Variants in CORIN observed in about 807,000 individuals in gnomAD.
CORIN encodes the protein atrial natriuretic peptide-converting enzyme.
Under a neutral mutation model 125.3 loss-of-function variants are expected in CORIN, and 117 were observed. That is an observed-to-expected ratio of 0.93 (90% CI 0.80 to 1.09). The LOEUF (loss-of-function observed/expected upper bound fraction) is 1.09, where lower values mean the gene tolerates loss of function less well. Among genes scored for constraint, CORIN ranks in the 50% least tolerant of loss-of-function variants. The pLI, the probability that CORIN is intolerant of heterozygous loss-of-function variation, is 0.00. For synonymous variants in CORIN, 450 were observed against 466.4 expected, an observed-to-expected ratio of 0.96 and a Z score of 0.45; for missense variants, 1,253 against 1,306.7, an observed-to-expected ratio of 0.96 and a Z score of 0.63.
chr4:47,751,415 TG>T (rs1728893942), intron 4 of CORIN, among the ~76,000 whole-genome samples: 1 of 152,202 alleles, frequency 6.6e-6, no homozygotes, highest in South Asian at 2.1e-4. Context: ...CACTAAATAC[TG>T]CCAATATTAC....
In CORIN at chr4:47,642,007, A is replaced by G. The variant is rs1723251909; in HGVS notation, c.2111T>C (p.Val704Ala). ...INVNSSSFLM[V>A]HRAATEHHVC... ...ATGGTGTTCTGTGGCAGCTCTGTGA[A>G]CCATCAGAAAGGAAGAGGAGTTCAC... The change falls in exon 16 of 22, where the codon GTT (valine) becomes GCT (alanine). Residue 704 changes from valine (V) to alanine (A), a missense_variant. Physicochemically the swap from Val to Ala is moderately conservative, Grantham distance 64. Transcript: ENST00000273857. The G allele has an allele frequency of 1.2e-6, 2 of 1,613,598 alleles. No individual in the cohort carries two copies. The highest frequency in any genetic ancestry group is 1.7e-6 in the Non-Finnish European group (2 of 1,179,626).
intron 12 of CORIN, among the ~76,000 whole-genome samples, chr4:47,658,066 A>G (rs1369550037): frequency 6.6e-6 from 1 of 152,152 alleles, no homozygotes; most frequent in Non-Finnish European, 1.5e-5. Context: ...CCAAATCCAA[A>G]TAAGTTCCTT....
At position 47,665,246 on chromosome 4, in the gene CORIN, T is replaced by TTCC. The variant is rs777696534; in HGVS notation, c.1374_1375insGGA (p.Ile458_Thr459insGly). ...GGCAAATTCATGCAGAGTTCCAATG[T>TTCC]AATTGGTTCACATTGACCTAACAAA... On this transcript the variant is annotated inframe_insertion, in exon 11 of 22. Transcript: ENST00000273857. The TTCC allele has an allele frequency of 9.2e-5, 148 of 1,612,182 alleles. No individual in the cohort carries two copies. The African/African-American group carries it at 1.8e-3, about 20-fold the overall frequency.
At chr4:47,725,246 C>T (rs1044135247) in intron 5 of CORIN, among the ~76,000 whole-genome samples, 1 of 148,604 alleles carries the variant, frequency 6.7e-6, no homozygotes, top group African/African-American at 2.5e-5. Flanking sequence ...TTTTGGAACA[C>T]TTTTTTTTTT....
At chr4:47,671,853 T>A (rs539751825) in intron 10 of CORIN, among the ~76,000 whole-genome samples, 3 of 152,110 alleles carry the variant, frequency 2.0e-5, no homozygotes, top group Non-Finnish European at 4.4e-5. Context: ...CCTCCCAAAG[T>A]GCTGGGATTA....
rs16860578 is a variant in CORIN at position 47,689,921 on chromosome 4, C to T, written c.913+3049G>A. Among the ~76,000 whole-genome samples, 1,086 of 152,298 alleles carry T rather than the reference C, an allele frequency of 7.1e-3. 12 individuals are homozygous for T. The highest frequency in any genetic ancestry group is 0.025 in the African/African-American group (1,040 of 41,554). On this transcript the variant is annotated intron_variant, in intron 6 of 21. Coordinates refer to ENST00000273857, the MANE Select transcript of CORIN (RefSeq NM_006587.4). ...ATGATGATACTGAAAGCCAGGGTTA[C>T]AGAAGTGGCCTGCCTAAAGCCACAG...
intron 3 of CORIN, among the ~76,000 whole-genome samples, chr4:47,771,381 T>C (rs1229670049): frequency 6.6e-6 from 1 of 152,200 alleles, no homozygotes; most frequent in Non-Finnish European, 1.5e-5. Flanking sequence ...AGGGTTACAG[T>C]AAGCTAAGAG....
chr4:47,609,244 A>C (rs1721775871), intron 19 of CORIN, among the ~76,000 whole-genome samples: 1 of 151,602 alleles, frequency 6.6e-6, no homozygotes, highest in African/African-American at 2.4e-5. Context: ...TTTATTATTT[A>C]TTTATTTTTT....
At chr4:47,655,806 A>G (rs2109649400) in intron 12 of CORIN, among the ~76,000 whole-genome samples, 1 of 152,086 alleles carries the variant, frequency 6.6e-6, no homozygotes, top group East Asian at 1.9e-4. Flanking sequence ...ACAGAACAAT[A>G]ACAAGTAATG....
intron 16 of CORIN, among the ~76,000 whole-genome samples, chr4:47,633,993 T>C (rs754159555): frequency 2.0e-5 from 3 of 152,032 alleles, no homozygotes; most frequent in Non-Finnish European, 4.4e-5. Flanking sequence ...TAATTCAAAA[T>C]TCAAAAAAAA....
chr4:47,610,087 T>C (rs1024438280), intron 19 of CORIN, among the ~76,000 whole-genome samples: 1 of 152,254 alleles, frequency 6.6e-6, no homozygotes, highest in African/African-American at 2.4e-5. Context: ...ATCTTCATAA[T>C]AGAATGACTT....
At chr4:47,617,652 C>A (rs1466857464) in intron 19 of CORIN, among the ~76,000 whole-genome samples, 1 of 152,142 alleles carries the variant, frequency 6.6e-6, no homozygotes, top group Non-Finnish European at 1.5e-5. Context: ...GAAAATTTTT[C>A]TTTTAGTGGA....
At chr4:47,715,543 G>A (rs1001008168) in intron 5 of CORIN, among the ~76,000 whole-genome samples, 3 of 152,082 alleles carry the variant, frequency 2.0e-5, no homozygotes, top group African/African-American at 7.2e-5. Flanking sequence ...AGACGGAGGT[G>A]AGCTGAGATC....
At chr4:47,676,897 C>G (rs1323916810) in intron 9 of CORIN, among the ~76,000 whole-genome samples, 1 of 152,116 alleles carries the variant, frequency 6.6e-6, no homozygotes, top group Non-Finnish European at 1.5e-5. Flanking sequence ...GGATTTCATT[C>G]TGAATTTAAA....
Position 47,678,054 on chromosome 4 carries a change from G to T in CORIN, c.1133C>A (p.Ser378Tyr), listed in dbSNP as rs372711739. 6.2e-7 allele frequency: 1 copy of T among 1,602,610 alleles called. No homozygotes were observed. The highest frequency in any genetic ancestry group is 2.2e-5 in the East Asian group (1 of 44,840). ...TTCCACCAGACCCTGGCTGTGACAG[G>T]CTAGGAAGGACCATAACAATATTCA... ...CVDKSDEVNC[S>Y]CHSQGLVECR... Residue 378 changes from serine (S) to tyrosine (Y), a missense_variant and splice_region_variant, in exon 9 of 22, where the codon TCC becomes TAC. Transcript: ENST00000273857.
At chr4:47,676,137 TCCAGAGAAGTGGCC>T (rs1725007321) in intron 9 of CORIN, among the ~76,000 whole-genome samples, 1 of 152,076 alleles carries the variant, frequency 6.6e-6, no homozygotes, top group Non-Finnish European at 1.5e-5. Flanking sequence ...ACCCAAAGTC[TCCAGAGAAGTGGCC>T]CCTGCTTCCC....
At chr4:47,812,038 TA>T (rs1334458071) in intron 1 of CORIN, among the ~76,000 whole-genome samples, 1 of 152,232 alleles carries the variant, frequency 6.6e-6, no homozygotes, top group Non-Finnish European at 1.5e-5. Context: ...TAAATTCTTT[TA>T]AGAAAATTGT....
At chr4:47,757,176 T>C (rs539098324) in intron 4 of CORIN, among the ~76,000 whole-genome samples, 17 of 152,322 alleles carry the variant, frequency 1.1e-4, no homozygotes, top group Admixed American at 1.1e-3. Flanking sequence ...GAATTTTTTT[T>C]TATAATACAT....
chr4:47,671,046 C>G (rs1724735647), intron 10 of CORIN, among the ~76,000 whole-genome samples: 1 of 152,208 alleles, frequency 6.6e-6, no homozygotes, highest in South Asian at 2.1e-4. Context: ...CAAACCTTTT[C>G]ATATTCTATT....
Sources: gnomAD v4.1 joint callset for allele counts (sites outside exome capture counted in the v4.1 genomes callset) on GRCh38, gnomAD v4.1.1 for gene constraint, MANE v1.5 for transcripts, NCBI Gene and HGNC (gene_info 2026-07-23, HGNC 2026-07-21) for gene names.